Variants in SLC25A26 observed in about 807,000 individuals in gnomAD.
SLC25A26 encodes the protein solute carrier family 25 member 26.
In SLC25A26, 36 loss-of-function variants were observed where a neutral mutation model predicts 37.8. That is an observed-to-expected ratio of 0.95 (90% CI 0.73 to 1.26). The LOEUF (loss-of-function observed/expected upper bound fraction) is 1.26, where lower values mean the gene tolerates loss of function less well. SLC25A26 is among the 50% of genes most tolerant of loss of function. SLC25A26 has a pLI of 0.00. For missense variants in SLC25A26, 390 were observed against 331.1 expected, an observed-to-expected ratio of 1.18 and a Z score of -1.38; for synonymous variants, 129 against 122.5, an observed-to-expected ratio of 1.05 and a Z score of -0.35.
At chr3:66,274,712 C>T (rs1385443911) in intron 5 of SLC25A26, among the ~76,000 whole-genome samples, 6 of 152,168 alleles carry the variant, frequency 3.9e-5, no homozygotes, top group African/African-American at 7.2e-5. Context: ...TACCATCTCA[C>T]ACCAGTTAGA....
At chr3:66,264,091 A>C (rs1576745923) in intron 5 of SLC25A26, among the ~76,000 whole-genome samples, 1 of 152,120 alleles carries the variant, frequency 6.6e-6, no homozygotes, top group East Asian at 1.9e-4. Context: ...AACCTGGCCA[A>C]CATGACGAAA....
intron 5 of SLC25A26, among the ~76,000 whole-genome samples, chr3:66,343,975 G>T (rs1181791397): frequency 1.3e-5 from 2 of 151,864 alleles, no homozygotes; most frequent in African/African-American, 4.8e-5. Flanking sequence ...TTCGACATTC[G>T]GGGGGGCTGG....
intron 7 of SLC25A26, among the ~76,000 whole-genome samples, chr3:66,365,845 C>G (rs1354578656): frequency 3.3e-5 from 5 of 152,176 alleles, no homozygotes; most frequent in Non-Finnish European, 7.3e-5. Context: ...CTTCTCCCTT[C>G]CAGACTAATC....
intron 1 of SLC25A26, among the ~76,000 whole-genome samples, chr3:66,155,325 T>C (rs2070266412): frequency 6.6e-6 from 1 of 152,168 alleles, no homozygotes; most frequent in Non-Finnish European, 1.5e-5. Context: ...GCCTGGGCAA[T>C]GTAGTGAGAC....
chr3:66,350,221 A>G lies in SLC25A26; in HGVS notation c.498+3813A>G, dbSNP rs533531190. On this transcript the variant is annotated intron_variant, in intron 6 of 9. Transcript: ENST00000354883. Reference sequence around the variant, plus strand: ...AGACTAGCAGATTGCATCACATGGCACTGCAGGGAGTAAGGGGCTGGAGGT... The same window carrying G: ...AGACTAGCAGATTGCATCACATGGCGCTGCAGGGAGTAAGGGGCTGGAGGT... Among the ~76,000 whole-genome samples the G allele has an allele frequency of 2.0e-5, 3 of 152,284 alleles. No homozygotes were observed. The South Asian group carries it at 6.2e-4, about 32-fold the overall frequency.
chr3:66,328,999 T>G (rs1277796315), intron 5 of SLC25A26, among the ~76,000 whole-genome samples: 1 of 152,170 alleles, frequency 6.6e-6, no homozygotes, highest in Non-Finnish European at 1.5e-5. Flanking sequence ...TAGTTATGTA[T>G]TATGACGTAT....
chr3:66,280,176 C>T (rs1375722894), intron 5 of SLC25A26, among the ~76,000 whole-genome samples: 2 of 152,162 alleles, frequency 1.3e-5, no homozygotes, highest in Admixed American at 6.6e-5. Flanking sequence ...GAAGTGAAGA[C>T]ACCAAAGGTC....
chr3:66,252,373 G>T (rs1178926970), intron 3 of SLC25A26, among the ~76,000 whole-genome samples: 2 of 152,198 alleles, frequency 1.3e-5, no homozygotes, highest in East Asian at 3.8e-4. Context: ...TAAGTAAGTT[G>T]GATCCATCTG....
At chr3:66,167,691 T>C (rs2070443183) in intron 1 of SLC25A26, among the ~76,000 whole-genome samples, 1 of 152,220 alleles carries the variant, frequency 6.6e-6, no homozygotes, top group African/African-American at 2.4e-5. Flanking sequence ...GCTTAATAAA[T>C]ATTATTTCAT....
intron 5 of SLC25A26, among the ~76,000 whole-genome samples, chr3:66,311,571 C>T (rs1021197569): frequency 1.3e-5 from 2 of 152,012 alleles, no homozygotes; most frequent in Non-Finnish European, 2.9e-5. Flanking sequence ...AAGAGGTATT[C>T]TGGTTTTTGG....
chr3:66,228,310 A>G (rs2071853710), intron 1 of SLC25A26, among the ~76,000 whole-genome samples: 2 of 152,212 alleles, frequency 1.3e-5, no homozygotes, highest in South Asian at 4.1e-4. Context: ...TCTGTTTAAG[A>G]AAGGCATACT....
intron 5 of SLC25A26, among the ~76,000 whole-genome samples, chr3:66,303,363 C>T (rs1193583095): frequency 6.6e-6 from 1 of 152,208 alleles, no homozygotes; most frequent in East Asian, 1.9e-4. Flanking sequence ...GTTGGAGGAA[C>T]TGGGCTGTGG....
chr3:66,203,542 T>C (rs2071135991), intron 1 of SLC25A26, among the ~76,000 whole-genome samples: 5 of 152,198 alleles, frequency 3.3e-5, no homozygotes, highest in African/African-American at 1.2e-4. Flanking sequence ...AAAATACCTT[T>C]GGGTGCTAAT....
intron 5 of SLC25A26, 21 bp from the exon 6 acceptor site, chr3:66,346,343 A>T (rs966230594): frequency 8.2e-6 from 11 of 1,334,680 alleles, no homozygotes; most frequent in South Asian, 6.0e-5. Context: ...AATTTATTTA[A>T]TTTTTTTTTT....
At chr3:66,341,860 G>A (rs1349387442) in intron 5 of SLC25A26, among the ~76,000 whole-genome samples, 1 of 151,988 alleles carries the variant, frequency 6.6e-6, no homozygotes, top group Non-Finnish European at 1.5e-5. Context: ...TTTACTATTG[G>A]AATTCTTTCC....
chr3:66,136,370 G>A (rs1187687342), intron 1 of SLC25A26, among the ~76,000 whole-genome samples: 1 of 152,032 alleles, frequency 6.6e-6, no homozygotes, highest in African/African-American at 2.4e-5. Context: ...ATACACAAAT[G>A]GCCAGTTTAT....
chr3:66,298,588 A>T (rs1227104492), intron 5 of SLC25A26, among the ~76,000 whole-genome samples: 2 of 152,230 alleles, frequency 1.3e-5, no homozygotes, highest in Non-Finnish European at 2.9e-5. Context: ...AGAAAAGAGC[A>T]TTTAAGGGGC....
intron 5 of SLC25A26, among the ~76,000 whole-genome samples, chr3:66,304,732 C>A (rs1056891326): frequency 1.3e-5 from 2 of 152,150 alleles, no homozygotes; most frequent in Non-Finnish European, 2.9e-5. Flanking sequence ...GATTAACCAC[C>A]ATGTGGGTGG....
At chr3:66,179,964 A>T (rs1368195504) in intron 1 of SLC25A26, among the ~76,000 whole-genome samples, 1 of 152,194 alleles carries the variant, frequency 6.6e-6, no homozygotes, top group Non-Finnish European at 1.5e-5. Context: ...CTGAAGTCTG[A>T]TACTGTTAGA....
Sources: allele counts gnomAD v4.1 joint callset (sites outside exome capture counted in the v4.1 genomes callset), GRCh38; gene constraint gnomAD v4.1.1; transcripts MANE v1.5; gene names NCBI Gene and HGNC (gene_info 2026-07-23, HGNC 2026-07-21).